The following CIPC variants were observed in gnomAD, a reference collection of about 807,000 sequenced individuals.
CIPC encodes CLOCK-interacting pacemaker.
A neutral mutation model predicts 26.7 loss-of-function variants in CIPC; 12 were observed. That is an observed-to-expected ratio of 0.45 (90% CI 0.29 to 0.73). The LOEUF (loss-of-function observed/expected upper bound fraction) is 0.73, where lower values mean the gene tolerates loss of function less well. Among genes scored for constraint, CIPC ranks in the 30% least tolerant of loss-of-function variants. CIPC has a pLI of 0.12. For missense variants in CIPC, 417 were observed against 486.5 expected, an observed-to-expected ratio of 0.86 and a Z score of 1.34; for synonymous variants, 170 against 189.8, an observed-to-expected ratio of 0.90 and a Z score of 0.86.
intron 2 of CIPC, among the ~76,000 whole-genome samples, chr14:77,107,394 T>C (rs1174094978): frequency 6.6e-6 from 1 of 152,164 alleles, no homozygotes; most frequent in African/African-American, 2.4e-5. Context: ...GTAGCCCCAG[T>C]GAATGCCACT....
intron 2 of CIPC, among the ~76,000 whole-genome samples, chr14:77,108,900 C>A (rs1459903366): frequency 6.6e-6 from 1 of 152,122 alleles, no homozygotes; most frequent in African/African-American, 2.4e-5. Flanking sequence ...CAGGAGTCCC[C>A]TCAAGATAGC....
intron 2 of CIPC, 180 bp downstream of exon 2, chr14:77,106,024 G>C (rs1886584936): frequency 1.1e-5 from 6 of 530,022 alleles, no homozygotes; most frequent in South Asian, 4.4e-5. Context: ...AGTCACCACA[G>C]GGTTAGTTCT....
chr14:77,107,658 A>ACACT (rs1287077545), intron 2 of CIPC, among the ~76,000 whole-genome samples: 218 of 145,256 alleles, frequency 1.5e-3, no homozygotes, highest in East Asian at 8.1e-3. Flanking sequence ...ACACACACAC[A>ACACT]CTCTCTCTCT....
At chr14:77,099,272 C>T (rs1886427002) in intron 1 of CIPC, 2 of 152,196 alleles carry the variant, frequency 1.3e-5, no homozygotes, top group South Asian at 4.1e-4. Context: ...GCTCATCTCC[C>T]CTTTGAAAGG....
chr14:77,104,599 C>T (rs1475323428), intron 1 of CIPC, among the ~76,000 whole-genome samples: 1 of 152,156 alleles, frequency 6.6e-6, no homozygotes, highest in Non-Finnish European at 1.5e-5. Context: ...CCTTTCAGTT[C>T]TTTGTTTGTG....
intron 2 of CIPC, among the ~76,000 whole-genome samples, chr14:77,108,202 G>C (rs988392301): frequency 1.5e-4 from 23 of 152,142 alleles, no homozygotes; most frequent in Non-Finnish European, 2.5e-4. Flanking sequence ...TGATGCTCTG[G>C]TTGGTTGATC....
At chr14:77,107,608 TTCTC>T (rs760497903) in intron 2 of CIPC, among the ~76,000 whole-genome samples, 1 of 146,214 alleles carries the variant, frequency 6.8e-6, no homozygotes, top group Non-Finnish European at 1.5e-5. Flanking sequence ...CATATATGCT[TTCTC>T]TCTCTCGCTC....
At position 77,114,215 on chromosome 14, in the gene CIPC, G is replaced by C. The variant is rs1292836618; in HGVS notation, c.1097G>C (p.Ser366Thr). The stretch of plus-strand genomic sequence containing the variant: ...CAGCTGTTTATAGAAGCCACCAAGA[G>C]CAGGGCCCCTCAGGCTTGGGCCAAG... ...QTQLFIEATK[S>T]RAPQAWAKLQ... Residue 366 changes from serine to threonine, a missense_variant, in exon 4 of 4, where the codon AGC (serine) becomes ACC (threonine). By Grantham distance (58) the Ser-to-Thr change is moderately conservative. Coordinates refer to ENST00000361786, the MANE Select transcript of CIPC (RefSeq NM_033426.3). The C allele has an allele frequency of 6.2e-7, 1 of 1,614,062 alleles. No homozygotes were observed. The highest frequency in any genetic ancestry group is 1.3e-5 in the African/African-American group (1 of 74,928).
chr14:77,100,639 G>A (rs992470576), intron 1 of CIPC, among the ~76,000 whole-genome samples: 4 of 150,904 alleles, frequency 2.7e-5, no homozygotes, highest in African/African-American at 9.8e-5. Flanking sequence ...GCAACATCTC[G>A]GCTCACTGCA....
intron 2 of CIPC, among the ~76,000 whole-genome samples, chr14:77,108,148 CATTG>C (rs1886627106): frequency 6.6e-6 from 1 of 152,184 alleles, no homozygotes; most frequent in South Asian, 2.1e-4. Flanking sequence ...GTATCCTTCC[CATTG>C]CAACACATTT....
In CIPC at chr14:77,114,390, A is replaced by C; in HGVS notation, c.*72A>C. On this transcript the variant is annotated 3_prime_UTR_variant, in exon 4 of 4. Transcript: ENST00000361786. ...TTGCTGTTACCTACTCCTGTTTCCC[A>C]AAGCTTATGTAAGAGCTTTTCCTTC... 4 of 1,445,578 alleles carry C rather than the reference A, an allele frequency of 2.8e-6. No individual in the cohort carries two copies. Among genetic ancestry groups the C allele is most frequent in the Non-Finnish European group, 3.7e-6 (4 of 1,069,666 alleles). The allele number at this position is 1,445,578 out of a possible 1,614,324, so 89.5% of individuals were successfully genotyped here.
Position 77,108,792 on chromosome 14 carries a change from A to C in CIPC, c.137-1020A>C, listed in dbSNP as rs377095809. Among the ~76,000 whole-genome samples, 49 of 152,246 alleles carry C rather than the reference A, an allele frequency of 3.2e-4. No individual in the cohort carries two copies. In the East Asian group the frequency reaches 8.9e-3, roughly 28 times the overall value. ...GCTTTCCCTCCTCCCTCTTCTTTTGAGTATCACTAATGTAGTCATGGAATT... is the reference window on the plus strand; with the variant it reads ...GCTTTCCCTCCTCCCTCTTCTTTTGCGTATCACTAATGTAGTCATGGAATT... On this transcript the variant is annotated intron_variant, in intron 2 of 3. Coordinates refer to ENST00000361786, the MANE Select transcript of CIPC (RefSeq NM_033426.3).
rs1363126529 is a variant in CIPC, at chr14:77,114,079, C to T, written c.961C>T (p.Leu321=). ...QSKHRRFQNT[L]VVLHKSGLLE... ...CAAACATAGGCGCTTTCAGAATACC[C>T]TAGTAGTCCTACATAAATCTGGTTT... The change falls in exon 4 of 4, where the codon CTA becomes TTA. Residue 321 remains leucine (L), a synonymous_variant. Coordinates refer to ENST00000361786, the MANE Select transcript of CIPC (RefSeq NM_033426.3). 1 of 1,614,150 alleles carries T rather than the reference C, an allele frequency of 6.2e-7. No individual in the cohort carries two copies. The highest frequency in any genetic ancestry group is 2.2e-5 in the East Asian group (1 of 44,892).
Position 77,107,968 on chromosome 14 carries a change from C to T in CIPC, c.137-1844C>T, listed in dbSNP as rs117378819. Reference sequence around the variant, plus strand: ...GTCTGGTTTAGTTTATAACCACTCCCCTATCTTTTCTTTCCTTTTTTTCTT... The same window carrying T: ...GTCTGGTTTAGTTTATAACCACTCCTCTATCTTTTCTTTCCTTTTTTTCTT... On this transcript the variant is annotated intron_variant, in intron 2 of 3. Coordinates refer to ENST00000361786, the MANE Select transcript of CIPC (RefSeq NM_033426.3). Among the ~76,000 whole-genome samples the T allele has an allele frequency of 3.4e-3, 524 of 152,260 alleles. 1 individual carries two copies. Among genetic ancestry groups the T allele is most frequent in the Middle Eastern group, 0.01 (3 of 292 alleles).
rs1886794531 is a variant in CIPC, at chr14:77,115,455, A to G, written c.*1137A>G. Reference sequence around the variant, plus strand: ...TCTGTGTTTCCTTCATGTGTTAGATATTGGCAACAAAGCCAGAGGTGTAAT... The same window carrying G: ...TCTGTGTTTCCTTCATGTGTTAGATGTTGGCAACAAAGCCAGAGGTGTAAT... On this transcript the variant is annotated 3_prime_UTR_variant, in exon 4 of 4. Coordinates refer to ENST00000361786, the MANE Select transcript of CIPC (RefSeq NM_033426.3). The G allele has an allele frequency of 6.6e-6, 1 of 152,136 alleles. No homozygotes were observed. Among genetic ancestry groups the G allele is most frequent in the Admixed American group, 6.5e-5 (1 of 15,274 alleles). 9.4% of individuals were successfully genotyped at this position (152,136 alleles called of 1,614,324 possible). A position where few individuals can be genotyped will look rare whatever the true frequency, so the allele number is the denominator to read the frequency against.
intron 1 of CIPC, among the ~76,000 whole-genome samples, chr14:77,099,626 G>C (rs760699486): frequency 6.6e-6 from 1 of 152,182 alleles, no homozygotes; most frequent in East Asian, 1.9e-4. Context: ...CTTCTGTCCA[G>C]GCACACATGT....
chr14:77,109,864 G>C lies in CIPC; in HGVS notation c.189G>C (p.Met63Ile). ...CAGAGCAGATGGAGTCCGAGGACAT[G>C]CTGAGCGCCTTAGGCTGGAGCAGAG... is the stretch of plus-strand genomic sequence containing the variant. ...SSAEQMESED[M>I]LSALGWSRED... is the part of the protein sequence containing the mutation. Residue 63 changes from methionine (M) to isoleucine (I), a missense_variant, in exon 3 of 4, where the codon ATG (methionine) becomes ATC (isoleucine). Met to Ile is a conservative substitution (Grantham distance 10). Transcript: ENST00000361786. The C allele has an allele frequency of 6.2e-7, 1 of 1,614,224 alleles. No individual in the cohort carries two copies. Among genetic ancestry groups the C allele is most frequent in the African/African-American group, 1.3e-5 (1 of 75,062 alleles).
At position 77,116,313 on chromosome 14, in the gene CIPC, G is replaced by C. The variant is rs994096370; in HGVS notation, c.*1995G>C. ...CACTCTCTTTGCTTCCCCTGAATCT[G>C]TGTGGTACTATAGCAGCTCTACTCT... On this transcript the variant is annotated 3_prime_UTR_variant, in exon 4 of 4. Transcript: ENST00000361786. The C allele has an allele frequency of 2.6e-5, 4 of 152,158 alleles. No homozygotes were observed. Among genetic ancestry groups the C allele is most frequent in the Non-Finnish European group, 4.4e-5 (3 of 68,028 alleles). The allele number at this position is 152,158 out of a possible 1,614,324, so 9.4% of individuals were successfully genotyped here.
At chr14:77,100,978 A>C (rs1015402366) in intron 1 of CIPC, among the ~76,000 whole-genome samples, 1 of 152,208 alleles carries the variant, frequency 6.6e-6, no homozygotes, top group Non-Finnish European at 1.5e-5. Context: ...AAATTCTGAC[A>C]GTTTTGGAGC....
Sources: allele counts gnomAD v4.1 joint callset (sites outside exome capture counted in the v4.1 genomes callset), GRCh38; gene constraint gnomAD v4.1.1; transcripts MANE v1.5; gene names NCBI Gene and HGNC (gene_info 2026-07-23, HGNC 2026-07-21).